NFATC3: variants seen among roughly 807,000 people sequenced by gnomAD.
NFATC3 encodes the protein nuclear factor of activated T-cells, cytoplasmic 3.
NFATC3 carries 46 observed loss-of-function variants against 98.6 expected under a neutral mutation model. The observed-to-expected ratio is 0.47, with a 90% CI of 0.37 to 0.60. The LOEUF (loss-of-function observed/expected upper bound fraction) is 0.60, where lower values mean the gene tolerates loss of function less well. NFATC3 is among the 20% of genes least tolerant of loss of function. NFATC3 has a pLI of 0.00. For synonymous variants in NFATC3, 512 were observed against 472.2 expected, an observed-to-expected ratio of 1.08 and a Z score of -1.09; for missense variants, 1,256 against 1,295.5, an observed-to-expected ratio of 0.97 and a Z score of 0.47.
intron 3 of NFATC3, among the ~76,000 whole-genome samples, chr16:68,131,030 T>G (rs1189754512): frequency 6.6e-6 from 1 of 152,206 alleles, no homozygotes; most frequent in Non-Finnish European, 1.5e-5. Context: ...ATCAATACTG[T>G]GCTGTTCTTG....
At chr16:68,110,402 G>A (rs536679417) in intron 1 of NFATC3, among the ~76,000 whole-genome samples, 56 of 150,284 alleles carry the variant, frequency 3.7e-4, no homozygotes, top group African/African-American at 1.1e-3. Context: ...TCCGCCTCCC[G>A]GGTTCATGCC....
intron 3 of NFATC3, among the ~76,000 whole-genome samples, chr16:68,151,019 G>A (rs1486233352): frequency 1.3e-5 from 2 of 152,012 alleles, no homozygotes; most frequent in Non-Finnish European, 2.9e-5. Context: ...ACCCAGTCTC[G>A]GGCAGTTTCT....
chr16:68,106,899 G>A (rs1052555124), intron 1 of NFATC3, among the ~76,000 whole-genome samples: 2 of 151,994 alleles, frequency 1.3e-5, no homozygotes, highest in Non-Finnish European at 2.9e-5. Context: ...TTTTCCTGAT[G>A]CTCTCCCTCT....
intron 3 of NFATC3, among the ~76,000 whole-genome samples, chr16:68,152,431 G>T (rs1365831670): frequency 6.7e-6 from 1 of 149,732 alleles, no homozygotes; most frequent in East Asian, 2.0e-4. Context: ...TAAAGCATTT[G>T]CTCGGAAGAG....
intron 9 of NFATC3, among the ~76,000 whole-genome samples, chr16:68,212,169 C>T (rs2041435180): frequency 6.6e-6 from 1 of 152,170 alleles, no homozygotes; most frequent in African/African-American, 2.4e-5. Context: ...ATACTTTGCA[C>T]ACACTGTAAT....
At chr16:68,103,320 C>T (rs1416903880) in intron 1 of NFATC3, among the ~76,000 whole-genome samples, 1 of 152,014 alleles carries the variant, frequency 6.6e-6, no homozygotes, top group African/African-American at 2.4e-5. Flanking sequence ...GTTAGCTTCC[C>T]ACCTCAGCCT....
In NFATC3 at chr16:68,122,472, A is replaced by C; in HGVS notation, c.589A>C (p.Asn197His). 6.2e-7 allele frequency: 1 copy of C among 1,614,032 alleles called. No individual in the cohort carries two copies. ...TTATGATGATGTGGACTCAGAGTTG[A>C]ATGAAGCTGCAGCCCGATTTACCCT... ...HIYDDVDSEL[N>H]EAAARFTLGS... Residue 197 changes from asparagine (N) to histidine (H), a missense_variant, in exon 2 of 10, where the codon AAT becomes CAT. Transcript: ENST00000346183.
At chr16:68,143,832 A>G (rs956896053) in intron 3 of NFATC3, among the ~76,000 whole-genome samples, 6 of 152,224 alleles carry the variant, frequency 3.9e-5, no homozygotes, top group Non-Finnish European at 8.8e-5. Context: ...ATCCTGGGCA[A>G]CAGAGCGAGA....
intron 9 of NFATC3, among the ~76,000 whole-genome samples, chr16:68,194,674 A>G (rs553209422): frequency 6.6e-6 from 1 of 152,284 alleles, no homozygotes; most frequent in East Asian, 1.9e-4. Context: ...AGACTTTAAG[A>G]GCACTTCAGC....
chr16:68,211,421 T>C (rs2041386295), intron 9 of NFATC3, among the ~76,000 whole-genome samples: 2 of 150,656 alleles, frequency 1.3e-5, no homozygotes, highest in African/African-American at 4.9e-5. Flanking sequence ...CTCCTGACCT[T>C]GTGATCCTCC....
chr16:68,163,677 T>C (rs2151588574), intron 4 of NFATC3, among the ~76,000 whole-genome samples: 1 of 147,742 alleles, frequency 6.8e-6, no homozygotes, highest in Admixed American at 6.7e-5. Flanking sequence ...GTCTCCTCAC[T>C]TCTCTGACGG....
At chr16:68,220,626 G>A (rs1285122294) in intron 9 of NFATC3, among the ~76,000 whole-genome samples, 2 of 149,600 alleles carry the variant, frequency 1.3e-5, no homozygotes, top group Admixed American at 6.7e-5. Flanking sequence ...AAATTGTCCC[G>A]GCCGGGCAGG....
intron 5 of NFATC3, among the ~76,000 whole-genome samples, chr16:68,169,625 T>C (rs1249946255): frequency 2.6e-5 from 4 of 151,946 alleles, no homozygotes; most frequent in Non-Finnish European, 5.9e-5. Context: ...CTAAAATGAT[T>C]CTTAATTTTT....
At chr16:68,136,063 C>T (rs1212291051) in intron 3 of NFATC3, among the ~76,000 whole-genome samples, 5 of 151,402 alleles carry the variant, frequency 3.3e-5, no homozygotes, top group Admixed American at 3.3e-4. Flanking sequence ...AACATTCCAT[C>T]TCAAAAAAAA....
intron 1 of NFATC3, among the ~76,000 whole-genome samples, chr16:68,090,579 C>G (rs1332266421): frequency 6.6e-6 from 1 of 152,018 alleles, no homozygotes; most frequent in Non-Finnish European, 1.5e-5. Flanking sequence ...TGTTACTTAC[C>G]TCTTATATTT....
At chr16:68,116,034 G>GGGGTAGT (rs1192393765) in intron 1 of NFATC3, among the ~76,000 whole-genome samples, 1 of 152,076 alleles carries the variant, frequency 6.6e-6, no homozygotes, top group Admixed American at 6.5e-5. Flanking sequence ...TGAAGGAATA[G>GGGGTAGT]GGGTAGTACA....
intron 9 of NFATC3, among the ~76,000 whole-genome samples, chr16:68,213,470 AT>A: frequency 6.6e-6 from 1 of 150,766 alleles, no homozygotes; most frequent in Non-Finnish European, 1.5e-5. Flanking sequence ...TAAAAAAAAA[AT>A]ACTAGTTTCA....
At chr16:68,216,707 A>G (rs932927572) in intron 9 of NFATC3, among the ~76,000 whole-genome samples, 1 of 152,032 alleles carries the variant, frequency 6.6e-6, no homozygotes, top group Non-Finnish European at 1.5e-5. Flanking sequence ...AATATTTTGT[A>G]TTTTTAGTAG....
At chr16:68,094,316 G>T (rs904835969) in intron 1 of NFATC3, among the ~76,000 whole-genome samples, 1 of 151,636 alleles carries the variant, frequency 6.6e-6, no homozygotes, top group African/African-American at 2.4e-5. Flanking sequence ...TAGATCTGTC[G>T]TCAAAATTGC....
Sources: gnomAD v4.1 joint callset for allele counts (sites outside exome capture counted in the v4.1 genomes callset) on GRCh38, gnomAD v4.1.1 for gene constraint, MANE v1.5 for transcripts, NCBI Gene and HGNC (gene_info 2026-07-23, HGNC 2026-07-21) for gene names.